AIG1: variants seen among roughly 807,000 people sequenced by gnomAD.
AIG1 encodes the protein androgen-induced gene 1 protein.
A neutral mutation model predicts 31.4 loss-of-function variants in AIG1; 23 were observed. That is an observed-to-expected ratio of 0.73 (90% CI 0.53 to 1.04). AIG1 has a LOEUF of 1.04. Among genes scored for constraint, AIG1 ranks in the 50% least tolerant of loss-of-function variants. AIG1 has a pLI of 0.00. For synonymous variants in AIG1, 100 were observed against 110.5 expected, an observed-to-expected ratio of 0.90 and a Z score of 0.60; for missense variants, 274 against 295.0, an observed-to-expected ratio of 0.93 and a Z score of 0.52.
chr6:143,175,396 G>C (rs1441628846), intron 3 of AIG1, among the ~76,000 whole-genome samples: 1 of 152,176 alleles, frequency 6.6e-6, no homozygotes. Flanking sequence ...CCTCAAACAT[G>C]TTTTCCAGAT....
chr6:143,130,530 T>C (rs1470539054), intron 1 of AIG1, among the ~76,000 whole-genome samples: 3 of 151,616 alleles, frequency 2.0e-5, no homozygotes, highest in African/African-American at 2.4e-5. Context: ...GCCAGTCTGG[T>C]CAACGTGGTG....
chr6:143,093,270 G>A (rs1030425305), intron 1 of AIG1, among the ~76,000 whole-genome samples: 1 of 152,178 alleles, frequency 6.6e-6, no homozygotes, highest in African/African-American at 2.4e-5. Flanking sequence ...TTCAGCACTT[G>A]CTGCTTCACC....
chr6:143,102,174 T>C (rs1780338460), intron 1 of AIG1, among the ~76,000 whole-genome samples: 1 of 152,130 alleles, frequency 6.6e-6, no homozygotes, highest in East Asian at 1.9e-4. Context: ...ATTCACTATA[T>C]TGATAATATT....
intron 1 of AIG1, among the ~76,000 whole-genome samples, chr6:143,119,178 G>A (rs559606905): frequency 7.2e-5 from 11 of 152,280 alleles, no homozygotes; most frequent in Middle Eastern, 3.4e-3. Context: ...CTTATCACCT[G>A]CTGACAAATT....
At chr6:143,342,287 C>T (rs1225052931), downstream of AIG1, 1 of 686,280 alleles carries the variant, frequency 1.5e-6, no homozygotes, top group Non-Finnish European at 2.7e-6. Flanking sequence ...GGGGCTGCGG[C>T]TCAGCGTGGG....
At chr6:143,092,016 T>C (rs1228408906) in intron 1 of AIG1, among the ~76,000 whole-genome samples, 1 of 152,196 alleles carries the variant, frequency 6.6e-6, no homozygotes, top group Non-Finnish European at 1.5e-5. Flanking sequence ...AAAAAAATGG[T>C]GAATCCTTTC....
intron 3 of AIG1, among the ~76,000 whole-genome samples, chr6:143,246,324 C>G (rs555462236): frequency 3.4e-4 from 52 of 152,086 alleles, no homozygotes; most frequent in Non-Finnish European, 5.6e-4. Context: ...CTAGGAAGGC[C>G]TCACAATCAT....
intron 2 of AIG1, among the ~76,000 whole-genome samples, chr6:143,139,368 GCT>G (rs1027101034): frequency 6.6e-6 from 1 of 151,890 alleles, no homozygotes; most frequent in African/African-American, 2.4e-5. Flanking sequence ...TGTCCTAGTG[GCT>G]CTCTGACAGC....
chr6:143,069,600 C>G (rs956891097), intron 1 of AIG1, among the ~76,000 whole-genome samples: 8 of 152,002 alleles, frequency 5.3e-5, no homozygotes, highest in Admixed American at 5.2e-4. Context: ...TTTTCCTGTG[C>G]CTTTTAATAA....
intron 3 of AIG1, among the ~76,000 whole-genome samples, chr6:143,175,708 T>C (rs1583419861): frequency 1.3e-5 from 2 of 152,196 alleles, no homozygotes; most frequent in South Asian, 4.1e-4. Flanking sequence ...TCCATTCATA[T>C]CCTGTATCAA....
chr6:143,190,324 G>C (rs1789675180), intron 3 of AIG1: 2 of 985,364 alleles, frequency 2.0e-6, no homozygotes, highest in African/African-American at 1.7e-5. Flanking sequence ...GGCCCAGTGA[G>C]CTTTTGATGC....
chr6:143,261,579 A>C (rs1401948432), intron 3 of AIG1, among the ~76,000 whole-genome samples: 1 of 152,228 alleles, frequency 6.6e-6, no homozygotes, highest in Non-Finnish European at 1.5e-5. Flanking sequence ...TATGTGGCAA[A>C]AAAATCTATT....
intron 1 of AIG1, among the ~76,000 whole-genome samples, chr6:143,089,975 A>C (rs1779154193): frequency 6.6e-6 from 1 of 152,218 alleles, no homozygotes; most frequent in Non-Finnish European, 1.5e-5. Context: ...TGTCTGGCAC[A>C]TATTAAGTAT....
At chr6:143,295,400 A>G (rs1225105546) in intron 4 of AIG1, among the ~76,000 whole-genome samples, 1 of 152,162 alleles carries the variant, frequency 6.6e-6, no homozygotes, top group East Asian at 1.9e-4. Context: ...TCCTCAAGAT[A>G]AGAACCAAAA....
intron 5 of AIG1, chr6:143,339,389 G>A: frequency 3.0e-6 from 1 of 328,986 alleles, no homozygotes; most frequent in Non-Finnish European, 5.6e-6. Context: ...GGAGCTGGGT[G>A]TGTCCCAGAG....
intron 2 of AIG1, among the ~76,000 whole-genome samples, chr6:143,157,536 A>C (rs1483568299): frequency 8.0e-6 from 1 of 124,270 alleles, no homozygotes; most frequent in South Asian, 2.5e-4. Flanking sequence ...GTTGTAATTT[A>C]TTTAGCACCT....
intron 3 of AIG1, among the ~76,000 whole-genome samples, chr6:143,278,480 T>G (rs565164597): frequency 3.2e-3 from 476 of 150,252 alleles, no homozygotes; most frequent in Non-Finnish European, 5.6e-3. Flanking sequence ...TTTTTTTTTT[T>G]CTTTTTGAGA....
chr6:143,272,914 A>C (rs1562545036), intron 3 of AIG1, among the ~76,000 whole-genome samples: 1 of 152,146 alleles, frequency 6.6e-6, no homozygotes, highest in African/African-American at 2.4e-5. Flanking sequence ...GCGAATCACA[A>C]GGTCAGGAGT....
Position 143,290,215 on chromosome 6 carries a change from A to G in AIG1, c.515+5990A>G, listed in dbSNP as rs981731831. Among the ~76,000 whole-genome samples, 3 of 152,360 alleles carry G rather than the reference A, an allele frequency of 2.0e-5. No individual in the cohort carries two copies. The South Asian group carries it at 6.2e-4, about 32-fold the overall frequency. On this transcript the variant is annotated intron_variant, in intron 4 of 5. Coordinates refer to ENST00000357847, the MANE Select transcript of AIG1 (RefSeq NM_016108.4). The stretch of plus-strand genomic sequence containing the variant: ...AGACTGAAGCAAGTTTTAGAACAGG[A>G]GTAAAAGTTTATTTAAAAGCTTTAG...
Sources: gnomAD v4.1 joint callset for allele counts (sites outside exome capture counted in the v4.1 genomes callset) on GRCh38, gnomAD v4.1.1 for gene constraint, MANE v1.5 for transcripts, NCBI Gene and HGNC (gene_info 2026-07-23, HGNC 2026-07-21) for gene names.